The following CTTN variants were observed in gnomAD, a reference collection of about 807,000 sequenced individuals.
CTTN encodes the protein cortactin, also known as src substrate cortactin.
CTTN carries 28 observed loss-of-function variants against 84.0 expected under a neutral mutation model. The observed-to-expected ratio is 0.33, with a 90% CI of 0.25 to 0.46. The LOEUF is 0.46. Ranked by LOEUF, CTTN falls within the 20% of genes least tolerant of loss-of-function variation. The pLI, the probability that CTTN is intolerant of heterozygous loss-of-function variation, is 1.00. For missense variants in CTTN, 641 were observed against 723.8 expected, an observed-to-expected ratio of 0.89 and a Z score of 1.31; for synonymous variants, 301 against 288.8, an observed-to-expected ratio of 1.04 and a Z score of -0.43.
chr11:70,411,293 C>T (rs2058093614), intron 5 of CTTN, among the ~76,000 whole-genome samples: 2 of 95,376 alleles, frequency 2.1e-5, no homozygotes, highest in South Asian at 5.1e-4. Context: ...CGTGTGCACA[C>T]GGACAGACGG....
chr11:70,422,733 C>G, intron 11 of CTTN: 1 of 1,451,262 alleles, frequency 6.9e-7, no homozygotes, highest in Non-Finnish European at 9.1e-7. Context: ...TGCCCCTGGC[C>G]TGTGCTCTGC....
intron 6 of CTTN, 51 bp downstream of exon 6, chr11:70,414,703 C>T: frequency 7.3e-7 from 1 of 1,376,462 alleles, no homozygotes; most frequent in South Asian, 1.2e-5. Flanking sequence ...GGGGGGCGTT[C>T]CCCGTAGATC....
chr11:70,433,678 T>C lies in CTTN; in HGVS notation c.1476T>C (p.Asp492=). The change falls in exon 17 of 18, where the codon GAT becomes GAC. Residue 492 remains aspartate (D), a synonymous_variant. Coordinates refer to ENST00000301843, the MANE Select transcript of CTTN (RefSeq NM_005231.4). Reference sequence around the variant, plus strand: ...GCACCTACGATGAGTACGAGAACGATCTGGGGATCACAGCCGTCGCCCTGT... The same window carrying C: ...GCACCTACGATGAGTACGAGAACGACCTGGGGATCACAGCCGTCGCCCTGT... ...EDSTYDEYEN[D]LGITAVALYD... is the part of the protein sequence containing the mutation. The C allele has an allele frequency of 6.2e-7, 1 of 1,613,910 alleles. No individual in the cohort carries two copies. The highest frequency in any genetic ancestry group is 1.1e-5 in the South Asian group (1 of 91,076).
intron 15 of CTTN, among the ~76,000 whole-genome samples, chr11:70,432,333 C>CT (rs988240855): frequency 4.6e-5 from 7 of 152,212 alleles, no homozygotes; most frequent in African/African-American, 9.6e-5. Flanking sequence ...GGTGCCTGTG[C>CT]TGAGGGTGGA....
In CTTN at chr11:70,435,371, A is replaced by G. The variant is rs1021890358; in HGVS notation, c.*209A>G. 4.6e-5 allele frequency: 68 copies of G among 1,481,270 alleles called. No individual in the cohort carries two copies. In the East Asian group the frequency reaches 1.6e-3, roughly 34 times the overall value. The allele number at this position is 1,481,270 out of a possible 1,614,324, so 91.8% of individuals were successfully genotyped here. A position where few individuals can be genotyped will look rare whatever the true frequency, so the allele number is the denominator to read the frequency against. On this transcript the variant is annotated 3_prime_UTR_variant, in exon 18 of 18. Coordinates refer to ENST00000301843, the MANE Select transcript of CTTN (RefSeq NM_005231.4). Reference sequence around the variant, plus strand: ...TTTATGCCACAGAATTTGCTAATATATTGTAATCACATTCCTTAGGAGGAC... The same window carrying G: ...TTTATGCCACAGAATTTGCTAATATGTTGTAATCACATTCCTTAGGAGGAC...
At chr11:70,433,354 G>C (rs1391233826) in intron 16 of CTTN, 76 bp downstream of exon 16, 2 of 1,428,114 alleles carry the variant, frequency 1.4e-6, no homozygotes, top group Admixed American at 5.1e-5. Context: ...CTGTGGCGTC[G>C]TTGCGAGGAG....
At chr11:70,420,051 G>A in intron 9 of CTTN, 195 bp downstream of exon 9, 1 of 612,196 alleles carries the variant, frequency 1.6e-6, no homozygotes, top group Non-Finnish European at 2.9e-6. Flanking sequence ...GAGTGTTATG[G>A]CGCTCCAGCC....
At chr11:70,419,488 C>A (rs12049828) in intron 8 of CTTN, among the ~76,000 whole-genome samples, 29,678 of 152,100 alleles carry the variant, frequency 0.2, 3,377 homozygotes, top group Admixed American at 0.25. Context: ...GGCTGGACTC[C>A]GCCTCCTGGG....
intron 13 of CTTN, among the ~76,000 whole-genome samples, chr11:70,427,069 G>T (rs1430215604): frequency 6.6e-6 from 1 of 151,958 alleles, no homozygotes; most frequent in Admixed American, 6.6e-5. Context: ...ATAAACCTTG[G>T]CCGGGTGTGG....
chr11:70,408,634 A>G (rs2058069199), intron 4 of CTTN, among the ~76,000 whole-genome samples: 1 of 152,204 alleles, frequency 6.6e-6, no homozygotes, highest in Non-Finnish European at 1.5e-5. Flanking sequence ...TCCTGGGCTC[A>G]GGTGATTCTC....
chr11:70,429,452 G>A (rs1218750940), intron 14 of CTTN, among the ~76,000 whole-genome samples: 3 of 152,152 alleles, frequency 2.0e-5, no homozygotes, highest in East Asian at 1.9e-4. Flanking sequence ...CCCAGGACCC[G>A]CCAACCTGCC....
chr11:70,405,281 A>G lies in CTTN; in HGVS notation c.-81A>G, dbSNP rs182042700. ...TTTTTACAGACGGAATCAGTCCCCA[A>G]TGCCTGGAAATTCCTCATTGGATTA... On this transcript the variant is annotated 5_prime_UTR_variant, in exon 2 of 18. The change abolishes an upstream ATG in the 5' untranslated region. Transcript: ENST00000301843. 3.1e-4 allele frequency: 47 copies of G among 152,300 alleles called. 1 individual carries two copies. Among genetic ancestry groups the G allele is most frequent in the African/African-American group, 1.0e-3 (42 of 41,566 alleles). 9.4% of individuals were successfully genotyped at this position (152,300 alleles called of 1,614,324 possible).
chr11:70,436,272 C>CA lies in CTTN; in HGVS notation c.*1111dup. 1 of 1,597,528 alleles carries CA rather than the reference C, an allele frequency of 6.3e-7. No individual in the cohort carries two copies. The highest frequency in any genetic ancestry group is 8.5e-7 in the Non-Finnish European group (1 of 1,179,490). ...CGCTGTCCTGGCATTTGTGGCCACT[C>CA]ACTTTGTAGGAAACTCATCTCCTTC... On this transcript the variant is annotated 3_prime_UTR_variant, in exon 18 of 18. Coordinates refer to ENST00000301843, the MANE Select transcript of CTTN (RefSeq NM_005231.4).
chr11:70,404,431 A>G (rs1039047648), intron 1 of CTTN, among the ~76,000 whole-genome samples: 2 of 152,158 alleles, frequency 1.3e-5, no homozygotes, highest in Non-Finnish European at 2.9e-5. Context: ...GTAACCGTGT[A>G]CGTTCATTAG....
chr11:70,406,606 G>T (rs936397214), intron 2 of CTTN, among the ~76,000 whole-genome samples: 1 of 151,790 alleles, frequency 6.6e-6, no homozygotes, highest in African/African-American at 2.4e-5. Flanking sequence ...ATGTGCCATT[G>T]TTCTGTATAA....
intron 9 of CTTN, 34 bp from the exon 10 acceptor site, chr11:70,420,366 A>G (rs373279362): frequency 2.1e-6 from 3 of 1,422,440 alleles, no homozygotes; most frequent in South Asian, 1.1e-5. Context: ...ACTACCTGTT[A>G]ATGATGGGTT....
chr11:70,405,113 T>C (rs2058027885), intron 1 of CTTN, among the ~76,000 whole-genome samples, 152 bp from the exon 2 acceptor site: 1 of 152,234 alleles, frequency 6.6e-6, no homozygotes. Flanking sequence ...AATGCAAGTC[T>C]TCCCATCCTC....
intron 5 of CTTN, among the ~76,000 whole-genome samples, chr11:70,412,552 A>C (rs1174088838): frequency 6.6e-6 from 1 of 152,254 alleles, no homozygotes; most frequent in Non-Finnish European, 1.5e-5. Flanking sequence ...CTTGAGGAAT[A>C]TGTGCTAGAG....
chr11:70,414,198 A>C (rs35882517), intron 5 of CTTN, among the ~76,000 whole-genome samples: 2,432 of 152,268 alleles, frequency 0.016, 24 homozygotes, highest in Non-Finnish European at 0.024. Flanking sequence ...ACAAAAAATT[A>C]GCCAGGCATG....
Sources: allele counts gnomAD v4.1 joint callset (sites outside exome capture counted in the v4.1 genomes callset), GRCh38; gene constraint gnomAD v4.1.1; transcripts MANE v1.5; gene names NCBI Gene and HGNC (gene_info 2026-07-23, HGNC 2026-07-21).